The following FAM174A variants were observed in gnomAD, a reference collection of about 807,000 sequenced individuals.
The protein encoded by FAM174A is membrane protein FAM174A.
FAM174A carries 14 observed loss-of-function variants against 14.3 expected under a neutral mutation model. That is an observed-to-expected ratio of 0.98 (90% CI 0.65 to 1.53). The LOEUF (loss-of-function observed/expected upper bound fraction) is 1.53. Among genes scored for constraint, FAM174A ranks in the 40% most tolerant of loss-of-function variants. The pLI is 0.00. For synonymous variants in FAM174A, 108 were observed against 111.4 expected (o/e 0.97, Z 0.19); for missense variants, 241 against 249.6 (o/e 0.97, Z 0.23).
rs377030675 is a variant in FAM174A at position 100,538,987 on chromosome 5, T to G, written c.434+3023T>G. ...TCTTGCCTTAAAAGCAGGGAATTAT[T>G]TCCTTTTTCATGCCATGTCGTTGGT... On this transcript the variant is annotated intron_variant, in intron 1 of 2. Transcript: ENST00000312637. Among the ~76,000 whole-genome samples, 29 of 152,284 alleles carry G rather than the reference T, an allele frequency of 1.9e-4. 1 individual carries two copies. In the South Asian group the frequency reaches 5.6e-3, roughly 29 times the overall value.
intron 2 of FAM174A, among the ~76,000 whole-genome samples, chr5:100,568,517 T>C (rs1746710972): frequency 2.0e-5 from 3 of 151,888 alleles, no homozygotes. Context: ...CACACATATA[T>C]GTGTACTTTA....
At chr5:100,541,059 A>G (rs1746040452) in intron 1 of FAM174A, among the ~76,000 whole-genome samples, 1 of 152,232 alleles carries the variant, frequency 6.6e-6, no homozygotes, top group Admixed American at 6.5e-5. Context: ...AATGTGGACT[A>G]TGTAAAGTAG....
chr5:100,578,635 T>C (rs1424684803), intron 2 of FAM174A, among the ~76,000 whole-genome samples: 1 of 152,166 alleles, frequency 6.6e-6, no homozygotes, highest in Non-Finnish European at 1.5e-5. Context: ...AGAAGGATAT[T>C]GTTTTTCTTT....
In FAM174A at chr5:100,535,376, CT is replaced by C; in HGVS notation, c.-154del. On this transcript the variant is annotated 5_prime_UTR_variant, in exon 1 of 3. Transcript: ENST00000312637. ...TACGAACTTCCGGTTCTCCGGGCAG[CT>C]GCCACTGCTGTAGCTTCTGCCACCT... 1.3e-6 allele frequency: 1 copy of C among 752,130 alleles called. No individual in the cohort carries two copies. The highest frequency in any genetic ancestry group is 2.2e-6 in the Non-Finnish European group (1 of 460,592). The allele number at this position is 752,130 out of a possible 1,614,324, so 46.6% of individuals were successfully genotyped here.
intron 1 of FAM174A, among the ~76,000 whole-genome samples, chr5:100,545,086 C>T (rs1746137377): frequency 6.6e-6 from 1 of 152,122 alleles, no homozygotes; most frequent in Non-Finnish European, 1.5e-5. Flanking sequence ...TTCCTGAGTT[C>T]TTTTGTCATG....
intron 2 of FAM174A, among the ~76,000 whole-genome samples, chr5:100,577,461 G>A (rs961630884): frequency 3.3e-5 from 5 of 151,972 alleles, no homozygotes; most frequent in African/African-American, 7.2e-5. Context: ...TGCTCAATGC[G>A]ATACTTGGCC....
chr5:100,561,700 AG>A (rs756599907), intron 1 of FAM174A, among the ~76,000 whole-genome samples: 1 of 151,878 alleles, frequency 6.6e-6, no homozygotes, highest in African/African-American at 2.4e-5. Flanking sequence ...CATGGGGAAA[AG>A]GCTGGAGCAG....
intron 1 of FAM174A, among the ~76,000 whole-genome samples, chr5:100,557,513 A>G (rs180695219): frequency 0.013 from 1,970 of 152,286 alleles, 23 homozygotes; most frequent in African/African-American, 0.03. Flanking sequence ...AAGGAATGGT[A>G]TCAGCTCCTC....
chr5:100,551,877 T>C (rs1048108506), intron 1 of FAM174A, among the ~76,000 whole-genome samples: 1 of 152,180 alleles, frequency 6.6e-6, no homozygotes, highest in Non-Finnish European at 1.5e-5. Context: ...ATCAGTCACA[T>C]TGGATGAGGG....
chr5:100,558,966 T>C (rs557584505), intron 1 of FAM174A, among the ~76,000 whole-genome samples: 1 of 152,324 alleles, frequency 6.6e-6, no homozygotes, highest in Admixed American at 6.5e-5. Flanking sequence ...ATGTGTGAAT[T>C]TGATCCTGTC....
chr5:100,557,272 C>T (rs1406926343), intron 1 of FAM174A, among the ~76,000 whole-genome samples: 4 of 151,976 alleles, frequency 2.6e-5, no homozygotes, highest in East Asian at 3.8e-4. Flanking sequence ...AGCCTTGCAT[C>T]GCAGGGATGA....
At chr5:100,540,728 T>C (rs1736045251) in intron 1 of FAM174A, among the ~76,000 whole-genome samples, 1 of 152,212 alleles carries the variant, frequency 6.6e-6, no homozygotes, top group African/African-American at 2.4e-5. Context: ...ATCCCTGATA[T>C]GATTATCATA....
chr5:100,579,581 C>T (rs1315143917), intron 2 of FAM174A, among the ~76,000 whole-genome samples: 1 of 152,126 alleles, frequency 6.6e-6, no homozygotes, highest in Non-Finnish European at 1.5e-5. Flanking sequence ...CCCGCCGCCA[C>T]ACCCAGCTAA....
intron 2 of FAM174A, among the ~76,000 whole-genome samples, chr5:100,564,703 T>G (rs772290017): frequency 6.6e-6 from 1 of 151,698 alleles, no homozygotes; most frequent in African/African-American, 2.4e-5. Context: ...GAAATTACAA[T>G]GGGTACCTCA....
chr5:100,537,383 G>C (rs1745962472), intron 1 of FAM174A, among the ~76,000 whole-genome samples: 1 of 151,804 alleles, frequency 6.6e-6, no homozygotes, highest in African/African-American at 2.4e-5. Flanking sequence ...AAATATAGTT[G>C]TTTTTCATAA....
chr5:100,535,482 C>T lies in FAM174A; in HGVS notation c.-49C>T. 6.3e-7 allele frequency: 1 copy of T among 1,594,632 alleles called. No homozygotes were observed. Among genetic ancestry groups the T allele is most frequent in the African/African-American group, 1.3e-5 (1 of 74,810 alleles). On this transcript the variant is annotated 5_prime_UTR_variant, in exon 1 of 3. Transcript: ENST00000312637. ...CGCCTATGGTCCCTCTTGGAGCCAG[C>T]GTGGCGGGCCTGGCGGCTCCCGGGT...
At chr5:100,566,141 G>GATAGAGATATATATATATAT (rs558236562) in intron 2 of FAM174A, among the ~76,000 whole-genome samples, 3 of 81,810 alleles carry the variant, frequency 3.7e-5, no homozygotes, top group Non-Finnish European at 7.3e-5. Flanking sequence ...TGAAAAGTAT[G>GATAGAGATATATATATATAT]ATATATATAT....
intron 1 of FAM174A, among the ~76,000 whole-genome samples, chr5:100,554,229 T>C (rs1746317658): frequency 6.6e-6 from 1 of 151,128 alleles, no homozygotes; most frequent in Non-Finnish European, 1.5e-5. Flanking sequence ...CTTTTTAAAA[T>C]CAAACAATTG....
chr5:100,556,506 G>A (rs1343821852), intron 1 of FAM174A, among the ~76,000 whole-genome samples: 2 of 152,114 alleles, frequency 1.3e-5, no homozygotes, highest in Non-Finnish European at 2.9e-5. Flanking sequence ...GATGGGGATG[G>A]CATTGAATCT....
Sources: allele counts gnomAD v4.1 joint callset (sites outside exome capture counted in the v4.1 genomes callset), GRCh38; gene constraint gnomAD v4.1.1; transcripts MANE v1.5; gene names NCBI Gene and HGNC (gene_info 2026-07-23, HGNC 2026-07-21).